Variants in SEC23IP observed in about 807,000 individuals in gnomAD.
SEC23IP encodes the protein SEC23-interacting protein.
In SEC23IP, 70 loss-of-function variants were observed where a neutral mutation model predicts 113.4. The observed-to-expected ratio is 0.62, with a 90% confidence interval of 0.51 to 0.75. The LOEUF is 0.75. SEC23IP is among the 30% of genes least tolerant of loss of function. The probability of loss-of-function intolerance (pLI) is 0.00; values close to 1 mark genes in which losing one functional copy is unlikely to be tolerated. For missense variants in SEC23IP, 1,160 were observed against 1,204.9 expected (o/e 0.96, Z 0.55); for synonymous variants, 398 against 421.0 (o/e 0.95, Z 0.67).
intron 10 of SEC23IP, among the ~76,000 whole-genome samples, chr10:119,918,719 A>C (rs1855137366): frequency 6.6e-6 from 1 of 152,182 alleles, no homozygotes; most frequent in African/African-American, 2.4e-5. Context: ...AAGTGCTGGC[A>C]TCAATAACTC....
intron 2 of SEC23IP, among the ~76,000 whole-genome samples, chr10:119,902,497 G>T (rs1394754737): frequency 6.6e-6 from 1 of 151,962 alleles, no homozygotes; most frequent in African/African-American, 2.4e-5. Flanking sequence ...ATTTTTGTGG[G>T]TACATAGTAG....
Position 119,902,809 on chromosome 10 carries a change from C to T in SEC23IP, c.707C>T (p.Ser236Leu), listed in dbSNP as rs960109985. The change falls in exon 3 of 19, where the codon TCA becomes TTA. Residue 236 changes from serine to leucine, a missense_variant. Transcript: ENST00000369075. The part of the protein sequence containing the change: ...PPGSLPPVPS[S>L]VQSPAQQQVP... ...TGCCGTCCCCTCCAGGTTCCTTCTT[C>T]AGTGCAGTCACCGGCACAGCAGCAG... 7.4e-6 allele frequency: 12 copies of T among 1,614,000 alleles called. No individual in the cohort carries two copies. Among genetic ancestry groups the T allele is most frequent in the South Asian group, 1.1e-5 (1 of 91,064 alleles).
At chr10:119,897,216 G>GAAGATTAGGAGGAGGAATATGAAA (rs1329030674) in intron 1 of SEC23IP, among the ~76,000 whole-genome samples, 30 of 152,256 alleles carry the variant, frequency 2.0e-4, no homozygotes, top group Non-Finnish European at 1.0e-4. Flanking sequence ...CAGGAGCAGG[G>GAAGATTAGGAGGAGGAATATGAAA]AAGATTAGGA....
chr10:119,938,670 A>T (rs1855871351), intron 18 of SEC23IP, among the ~76,000 whole-genome samples: 1 of 152,200 alleles, frequency 6.6e-6, no homozygotes, highest in South Asian at 2.1e-4. Flanking sequence ...GTTCGAAATA[A>T]TTTAAGTTCC....
intron 4 of SEC23IP, chr10:119,904,597 A>G (rs1030658440): frequency 4.8e-6 from 1 of 209,286 alleles, no homozygotes; most frequent in African/African-American, 2.3e-5. Context: ...TTTTCAAATT[A>G]GTATTCAGTA....
rs117332744 is a variant in SEC23IP, at chr10:119,921,184, G to C, written c.2121+200G>C. Among the ~76,000 whole-genome samples the C allele has an allele frequency of 8.9e-3, 1,348 of 152,272 alleles. 10 individuals carry two copies. The highest frequency in any genetic ancestry group is 0.01 in the Non-Finnish European group (703 of 68,024). On this transcript the variant is annotated intron_variant, in intron 12 of 18. Coordinates refer to ENST00000369075, the MANE Select transcript of SEC23IP (RefSeq NM_007190.4). ...CACATTAGGCTAAGTGACCATCCTG[G>C]TTTTCCTGGGACTAAGTTCCTAGGA...
In SEC23IP at chr10:119,944,003, A is replaced by G. The variant is rs1274751941; in HGVS notation, c.*3438A>G. The G allele has an allele frequency of 6.6e-6, 1 of 152,208 alleles. No individual in the cohort carries two copies. The highest frequency in any genetic ancestry group is 2.4e-5 in the African/African-American group (1 of 41,446). 9.4% of individuals were successfully genotyped at this position (152,208 alleles called of 1,614,324 possible). ...GGAATTTTCACAAATACTCAAAAGT[A>G]TGGAGAATGGTACAGTGAATCCCCA... On this transcript the variant is annotated 3_prime_UTR_variant, in exon 19 of 19. Coordinates refer to ENST00000369075, the MANE Select transcript of SEC23IP (RefSeq NM_007190.4).
At chr10:119,910,426 C>G (rs1038840222) in intron 5 of SEC23IP, among the ~76,000 whole-genome samples, 3 of 152,110 alleles carry the variant, frequency 2.0e-5, no homozygotes, top group Non-Finnish European at 4.4e-5. Flanking sequence ...GTAATTTATG[C>G]AAAAGCATCT....
chr10:119,939,658 G>C (rs2134546769), intron 18 of SEC23IP, among the ~76,000 whole-genome samples: 1 of 152,254 alleles, frequency 6.6e-6, no homozygotes, highest in South Asian at 2.1e-4. Context: ...CTGGGCGACA[G>C]GGCGAGACTC....
At position 119,933,043 on chromosome 10, in the gene SEC23IP, G is replaced by A. The variant is rs1250322813; in HGVS notation, c.2797G>A (p.Glu933Lys). The A allele has an allele frequency of 2.5e-6, 4 of 1,614,066 alleles. No homozygotes were observed. The Admixed American group carries it at 6.7e-5, about 27-fold the overall frequency. The change falls in exon 17 of 19, where the codon GAG becomes AAG. Residue 933 changes from glutamate (E) to lysine (K), a missense_variant. Coordinates refer to ENST00000369075, the MANE Select transcript of SEC23IP (RefSeq NM_007190.4). The stretch of plus-strand genomic sequence containing the variant: ...TGAAAGTCCAGATTTTTCCAAGGAT[G>A]AGGACTACTTAGGAAAGGTTGGAAT... ...VVESPDFSKD[E>K]DYLGKVGMLN...
intron 2 of SEC23IP, among the ~76,000 whole-genome samples, chr10:119,902,452 T>C (rs1367904731): frequency 6.6e-6 from 1 of 152,218 alleles, no homozygotes; most frequent in Non-Finnish European, 1.5e-5. Context: ...TGGTTCACCT[T>C]GTAATTGATT....
At chr10:119,912,218 A>G (rs1854888125) in intron 6 of SEC23IP, 54 bp downstream of exon 6, 3 of 1,562,294 alleles carry the variant, frequency 1.9e-6, no homozygotes, top group East Asian at 2.3e-5. Context: ...CCATTTTAGC[A>G]TCATTCTTTA....
intron 4 of SEC23IP, among the ~76,000 whole-genome samples, chr10:119,905,182 G>GTA (rs985364912): frequency 6.6e-6 from 1 of 151,624 alleles, no homozygotes; most frequent in African/African-American, 2.4e-5. Flanking sequence ...ATGTGTGTGT[G>GTA]TATATATATA....
Position 119,912,094 on chromosome 10 carries a change from G to T in SEC23IP, c.1242G>T (p.Thr414=), listed in dbSNP as rs146017364. Residue 414 remains threonine (T), a synonymous_variant, in exon 6 of 19, where the codon ACG becomes ACT. Coordinates refer to ENST00000369075, the MANE Select transcript of SEC23IP (RefSeq NM_007190.4). The stretch of plus-strand genomic sequence containing the variant: ...CAGTGCCAGATGAATGGGGCACCAC[G>T]CAAGATGGACAGACAAGGCCCAGGG... ...PSSVPDEWGT[T]QDGQTRPRVV... is the part of the protein sequence containing the mutation. The T allele has an allele frequency of 1.2e-6, 2 of 1,614,082 alleles. No individual in the cohort carries two copies. Among genetic ancestry groups the T allele is most frequent in the South Asian group, 2.2e-5 (2 of 91,068 alleles).
chr10:119,937,061 G>A (rs1002911165), intron 18 of SEC23IP, among the ~76,000 whole-genome samples: 4 of 151,236 alleles, frequency 2.6e-5, no homozygotes, highest in African/African-American at 9.7e-5. Context: ...CTAATTTTTT[G>A]TATTTTTAGT....
chr10:119,897,306 T>C (rs1854311704), intron 1 of SEC23IP, among the ~76,000 whole-genome samples: 1 of 152,216 alleles, frequency 6.6e-6, no homozygotes, highest in Non-Finnish European at 1.5e-5. Context: ...TGAGGTGATA[T>C]ACAGGGAAGA....
intron 13 of SEC23IP, among the ~76,000 whole-genome samples, chr10:119,929,192 G>C (rs1855510173): frequency 6.6e-6 from 1 of 152,088 alleles, no homozygotes; most frequent in Admixed American, 6.6e-5. Context: ...ATAGCCAGAG[G>C]ATATAATAGT....
chr10:119,893,772 G>C (rs898223342), intron 1 of SEC23IP, among the ~76,000 whole-genome samples: 7 of 152,006 alleles, frequency 4.6e-5, no homozygotes, highest in African/African-American at 1.7e-4. Flanking sequence ...CGCCTGCCCT[G>C]GCCTCCCAAA....
Position 119,904,135 on chromosome 10 carries a change from A to T in SEC23IP, c.959A>T (p.Asp320Val). The change falls in exon 4 of 19, where the codon GAT becomes GTT. Residue 320 changes from aspartate (D) to valine (V), a missense_variant. Asp to Val is a radical substitution (Grantham distance 152). Coordinates refer to ENST00000369075, the MANE Select transcript of SEC23IP (RefSeq NM_007190.4). ...VVLGTDGGRY[D>V]VYLYDRIRKA... ...CTTGGCACGGATGGAGGGCGCTACG[A>T]TGTTTACCTCTATGACCGAATAAGG... 1 of 1,614,202 alleles carries T rather than the reference A, an allele frequency of 6.2e-7. No homozygotes were observed. The highest frequency in any genetic ancestry group is 8.5e-7 in the Non-Finnish European group (1 of 1,180,032).
Sources: gnomAD v4.1 joint callset for allele counts (sites outside exome capture counted in the v4.1 genomes callset) on GRCh38, gnomAD v4.1.1 for gene constraint, MANE v1.5 for transcripts, NCBI Gene and HGNC (gene_info 2026-07-23, HGNC 2026-07-21) for gene names.